The following CACNA2D4 variants were observed in gnomAD, a reference collection of about 807,000 sequenced individuals.
The protein encoded by CACNA2D4 is voltage-dependent calcium channel subunit alpha-2/delta-4.
In CACNA2D4, 157 loss-of-function variants were observed where a neutral mutation model predicts 163.8. The ratio of observed to expected loss-of-function variants is 0.96; its 90% confidence interval spans 0.84 to 1.09. CACNA2D4 has a LOEUF of 1.09. Ranked by LOEUF, CACNA2D4 falls within the 50% of genes least tolerant of loss-of-function variation. CACNA2D4 has a pLI of 0.00. For missense variants in CACNA2D4, 1,410 were observed against 1,479.9 expected (o/e 0.95, Z 0.78); for synonymous variants, 598 against 586.9 (o/e 1.02, Z -0.27).
At chr12:1,858,370 C>T (rs1001521440) in intron 20 of CACNA2D4, among the ~76,000 whole-genome samples, 8 of 152,242 alleles carry the variant, frequency 5.3e-5, no homozygotes, top group Admixed American at 3.9e-4. Flanking sequence ...GCTGGTTTGA[C>T]GACAGACCCA....
In CACNA2D4 at chr12:1,860,514, T is replaced by C. The variant is rs554602753; in HGVS notation, c.1879-308A>G. Among the ~76,000 whole-genome samples the C allele has an allele frequency of 6.6e-5, 10 of 152,356 alleles. No homozygotes were observed. In the East Asian group the frequency reaches 1.9e-3, roughly 29 times the overall value. On this transcript the variant is annotated intron_variant, in intron 18 of 37. Transcript: ENST00000382722. ...TGAAATGTGTGGCCAAGGAACTGAA[T>C]TTTCAGATTTTAGTTGGCATAAATT...
intron 23 of CACNA2D4, 21 bp downstream of exon 23, chr12:1,853,930 A>G (rs1340419382): frequency 6.3e-7 from 1 of 1,597,418 alleles, no homozygotes; most frequent in South Asian, 1.1e-5. Flanking sequence ...GGGGCCTGGG[A>G]ACCTGGGAAC....
intron 29 of CACNA2D4, chr12:1,809,694 G>C (rs922034776): frequency 1.1e-5 from 7 of 626,848 alleles, no homozygotes; most frequent in African/African-American, 3.7e-5. Flanking sequence ...CAGCGGGGGC[G>C]GGGGGAGGAT....
Position 1,917,661 on chromosome 12 carries a change from G to T in CACNA2D4, c.227+586C>A, listed in dbSNP as rs75652536. On this transcript the variant is annotated intron_variant, in intron 1 of 37. Transcript: ENST00000382722. This position sits in a 1 kb window ranked among gnomAD's most constrained non-coding sequence, Gnocchi z 4.3. ...TGATACCGGGTTCTTTCCTGGAGCC[G>T]GTCTTAATGGCCGGCTAGAGAATCA... Among the ~76,000 whole-genome samples the T allele has an allele frequency of 0.013, 2,006 of 152,242 alleles. 34 individuals carry two copies. Among genetic ancestry groups the T allele is most frequent in the African/African-American group, 0.043 (1,775 of 41,534 alleles).
At chr12:1,859,702 G>C (rs930976023) in intron 19 of CACNA2D4, among the ~76,000 whole-genome samples, 4 of 152,266 alleles carry the variant, frequency 2.6e-5, no homozygotes, top group Non-Finnish European at 5.9e-5. Context: ...TCAAAGACCT[G>C]TTAACAGAGT....
chr12:1,895,788 C>G (rs1271901325), intron 6 of CACNA2D4, among the ~76,000 whole-genome samples: 1 of 151,980 alleles, frequency 6.6e-6, no homozygotes, highest in South Asian at 2.1e-4. Flanking sequence ...TGTGCCACCA[C>G]ATGGCACATG....
chr12:1,811,064 T>C (rs1363203720), intron 27 of CACNA2D4, among the ~76,000 whole-genome samples: 1 of 152,160 alleles, frequency 6.6e-6, no homozygotes, highest in East Asian at 1.9e-4. Context: ...CGCAGCCCCC[T>C]GCCCTCCATC....
intron 6 of CACNA2D4, among the ~76,000 whole-genome samples, chr12:1,898,921 T>TG (rs979210034): frequency 3.6e-4 from 55 of 152,178 alleles, no homozygotes; most frequent in African/African-American, 1.3e-3. Context: ...TGCCAGAGGC[T>TG]GGGGGGAGAA....
intron 6 of CACNA2D4, among the ~76,000 whole-genome samples, chr12:1,891,051 C>A (rs1202970059): frequency 6.6e-6 from 1 of 152,224 alleles, no homozygotes; most frequent in Non-Finnish European, 1.5e-5. Flanking sequence ...TCTCTGGGGA[C>A]TGAAAGCCTG....
intron 30 of CACNA2D4, among the ~76,000 whole-genome samples, chr12:1,801,359 G>A (rs899667290): frequency 6.6e-6 from 1 of 152,244 alleles, no homozygotes; most frequent in East Asian, 1.9e-4. Context: ...TCTAGGGTCT[G>A]AGCTGCGGAG....
rs142433486 is a variant in CACNA2D4 at position 1,844,148 on chromosome 12, C to G, written c.2470+254G>C. ...TAGAATCCCATGCTGGGTTTTTAAACTCCAACTTTGATGGCTGGCTAGGGA... is the reference window on the plus strand; with the variant it reads ...TAGAATCCCATGCTGGGTTTTTAAAGTCCAACTTTGATGGCTGGCTAGGGA... On this transcript the variant is annotated intron_variant, in intron 25 of 37. Coordinates refer to ENST00000382722, the MANE Select transcript of CACNA2D4 (RefSeq NM_172364.5). The surrounding 1 kb of genome is among the most constrained non-coding windows in gnomAD (Gnocchi z 4.2). Among the ~76,000 whole-genome samples the G allele has an allele frequency of 7.9e-5, 12 of 152,324 alleles. No individual in the cohort carries two copies. In the East Asian group the frequency reaches 2.3e-3, roughly 29 times the overall value.
intron 18 of CACNA2D4, among the ~76,000 whole-genome samples, chr12:1,867,348 G>C (rs1252089563): frequency 6.6e-6 from 1 of 151,518 alleles, no homozygotes; most frequent in East Asian, 1.9e-4. Context: ...TAGACCACTT[G>C]ATACCATCTC....
At position 1,837,015 on chromosome 12, in the gene CACNA2D4, C is replaced by T. The variant is rs147314223; in HGVS notation, c.2551+3724G>A. Among the ~76,000 whole-genome samples the T allele has an allele frequency of 3.3e-4, 50 of 152,348 alleles. No homozygotes were observed. The East Asian group carries it at 7.9e-3, about 24-fold the overall frequency. On this transcript the variant is annotated intron_variant, in intron 26 of 37. Transcript: ENST00000382722. ...TGGCAGATCCAGGATGGTACATCCA[C>T]CCTGGCCTGACAGGCAGGTTCCTGA...
At chr12:1,822,223 C>T (rs569072458) in intron 26 of CACNA2D4, 1 of 152,250 alleles carries the variant, frequency 6.6e-6, no homozygotes, top group African/African-American at 2.4e-5. Context: ...GAGGAGCAAA[C>T]TCTGCTCCCG....
intron 37 of CACNA2D4, among the ~76,000 whole-genome samples, chr12:1,794,638 T>G (rs1391451055): frequency 1.3e-5 from 2 of 152,106 alleles, no homozygotes; most frequent in African/African-American, 4.8e-5. Context: ...CCATGACCCG[T>G]TTATTATAAA....
chr12:1,871,291 G>A (rs1317886088), intron 18 of CACNA2D4, among the ~76,000 whole-genome samples: 1 of 150,782 alleles, frequency 6.6e-6, no homozygotes, highest in Non-Finnish European at 1.5e-5. Context: ...ACACCTGTAT[G>A]TTGCTGGTGT....
chr12:1,853,529 T>G (rs938284950), intron 23 of CACNA2D4, among the ~76,000 whole-genome samples: 1 of 152,096 alleles, frequency 6.6e-6, no homozygotes. Context: ...GGCACACACA[T>G]GCCCTACACT....
intron 2 of CACNA2D4, among the ~76,000 whole-genome samples, chr12:1,914,563 T>A (rs1866914888): frequency 6.6e-6 from 1 of 152,108 alleles, no homozygotes; most frequent in Non-Finnish European, 1.5e-5. Flanking sequence ...CCTCCGTCTC[T>A]CCTTTATTCT....
intron 18 of CACNA2D4, among the ~76,000 whole-genome samples, chr12:1,873,627 T>C (rs1235983632): frequency 1.3e-5 from 2 of 152,204 alleles, no homozygotes; most frequent in Non-Finnish European, 2.9e-5. Context: ...TGAGAGCTCA[T>C]CTGTGCATGT....
Sources: allele counts gnomAD v4.1 joint callset (sites outside exome capture counted in the v4.1 genomes callset), GRCh38; gene constraint gnomAD v4.1.1; non-coding constraint Gnocchi (gnomAD v3.1); transcripts MANE v1.5; gene names NCBI Gene and HGNC (gene_info 2026-07-23, HGNC 2026-07-21).